The following ABHD12 variants were observed in gnomAD, a reference collection of about 807,000 sequenced individuals.
ABHD12 encodes the protein lysophosphatidylserine lipase ABHD12.
In ABHD12, 43 loss-of-function variants were observed where a neutral mutation model predicts 58.3. The observed-to-expected ratio is 0.74, with a 90% confidence interval of 0.58 to 0.95. ABHD12 has a LOEUF of 0.95. Ranked by LOEUF, ABHD12 falls within the 40% of genes least tolerant of loss-of-function variation. The pLI, the probability that ABHD12 is intolerant of heterozygous loss-of-function variation, is 0.00. For synonymous variants in ABHD12, 219 were observed against 211.2 expected, an observed-to-expected ratio of 1.04 and a Z score of -0.32; for missense variants, 539 against 537.2, an observed-to-expected ratio of 1.00 and a Z score of -0.03.
chr20:25,327,018 G>GT (rs1383438163), intron 2 of ABHD12, among the ~76,000 whole-genome samples: 1 of 152,232 alleles, frequency 6.6e-6, no homozygotes, highest in Non-Finnish European at 1.5e-5. Flanking sequence ...CCATGCCTGT[G>GT]TGAGTATGCC....
chr20:25,303,691 G>A, intron 10 of ABHD12, 63 bp from the exon 11 acceptor site: 1 of 1,605,902 alleles, frequency 6.2e-7, no homozygotes, highest in Non-Finnish European at 8.5e-7. Flanking sequence ...CAGACCCTCT[G>A]TCCATGGCAG....
chr20:25,373,809 G>A (rs545466094), intron 1 of ABHD12, among the ~76,000 whole-genome samples: 137 of 152,198 alleles, frequency 9.0e-4, no homozygotes, highest in Admixed American at 3.2e-3. Flanking sequence ...CACCAAGCTT[G>A]TAAAGTTTCT....
intron 2 of ABHD12, among the ~76,000 whole-genome samples, chr20:25,334,821 C>T (rs1275013753): frequency 6.7e-6 from 1 of 148,300 alleles, no homozygotes; most frequent in Non-Finnish European, 1.5e-5. Context: ...GGATTAAAGA[C>T]TTAAACGTTA....
intron 12 of ABHD12, 146 bp from the exon 13 acceptor site, chr20:25,301,030 G>T: frequency 1.2e-6 from 1 of 833,252 alleles, no homozygotes; most frequent in Non-Finnish European, 2.0e-6. Context: ...GTAGCCCAGA[G>T]CAGCACTCAG....
chr20:25,329,085 G>A (rs1036344907), intron 2 of ABHD12, among the ~76,000 whole-genome samples: 4 of 152,234 alleles, frequency 2.6e-5, no homozygotes, highest in Non-Finnish European at 5.9e-5. Context: ...CGAGTGCCAG[G>A]ACCCTCTGGC....
In ABHD12 at chr20:25,339,177, A is replaced by G. The variant is rs766041552; in HGVS notation, c.316+50T>C. On this transcript the variant is annotated intron_variant, in intron 2 of 12. Coordinates refer to ENST00000339157, the MANE Select transcript of ABHD12 (RefSeq NM_001042472.3). ...ACCCCTAAAATCAGACATCACCATG[A>G]AAATGAACCCTTACTAAAATTAAAG... 2.4e-5 allele frequency: 39 copies of G among 1,611,074 alleles called. No individual in the cohort carries two copies. The East Asian group carries it at 8.5e-4, about 35-fold the overall frequency.
chr20:25,388,426 AT>A (rs1470643081), intron 1 of ABHD12, among the ~76,000 whole-genome samples: 1 of 152,172 alleles, frequency 6.6e-6, no homozygotes, highest in Non-Finnish European at 1.5e-5. Flanking sequence ...ACGAGCAAAA[AT>A]TACAATCTCG....
Position 25,317,066 on chromosome 20 carries a change from G to A in ABHD12, c.555C>T (p.His185=). Residue 185 remains histidine (H), a synonymous_variant, in exon 5 of 13, where the codon CAC becomes CAT. Transcript: ENST00000339157. ...HGNAGTRGGD[H]RVELYKVLSS... is the part of the protein sequence containing the mutation. ...CACTCACCTTGTAAAGCTCCACGCG[G>A]TGGTCGCCTCCTCTGGAGAAGAAAA... 1.2e-6 allele frequency: 2 copies of A among 1,612,692 alleles called. No homozygotes were observed. The highest frequency in any genetic ancestry group is 2.2e-5 in the East Asian group (1 of 44,862).
At chr20:25,316,134 C>T (rs1210942681) in intron 5 of ABHD12, among the ~76,000 whole-genome samples, 1 of 151,424 alleles carries the variant, frequency 6.6e-6, no homozygotes, top group Non-Finnish European at 1.5e-5. Context: ...GTCAGTGTAG[C>T]ACCTGGAGCA....
intron 1 of ABHD12, among the ~76,000 whole-genome samples, chr20:25,340,252 C>T (rs1177955990): frequency 4.6e-5 from 7 of 152,124 alleles, no homozygotes; most frequent in Admixed American, 3.9e-4. Flanking sequence ...TTACATGTTG[C>T]TATAAACAAT....
intron 1 of ABHD12, among the ~76,000 whole-genome samples, chr20:25,368,042 T>C (rs990166451): frequency 6.6e-6 from 1 of 152,262 alleles, no homozygotes; most frequent in East Asian, 1.9e-4. Context: ...CAATTTCTCA[T>C]ATCATTGCCA....
chr20:25,344,500 G>A (rs1393782427), intron 1 of ABHD12, among the ~76,000 whole-genome samples: 1 of 152,140 alleles, frequency 6.6e-6, no homozygotes, highest in East Asian at 1.9e-4. Context: ...TGAGGAAAAC[G>A]ATAAACTCTG....
chr20:25,297,932 C>T (rs908144953), downstream of ABHD12: 1 of 152,348 alleles, frequency 6.6e-6, no homozygotes, highest in Non-Finnish European at 1.5e-5. Flanking sequence ...GGGGCCACCA[C>T]CCTGACCACC....
chr20:25,317,199 G>C, intron 4 of ABHD12, 121 bp from the exon 5 acceptor site: 1 of 716,666 alleles, frequency 1.4e-6, no homozygotes, highest in South Asian at 1.5e-5. Context: ...CCTCTTCCTT[G>C]GGTCCCCCTA....
intron 3 of ABHD12, among the ~76,000 whole-genome samples, chr20:25,320,644 C>G (rs951176077): frequency 6.6e-6 from 1 of 152,202 alleles, no homozygotes; most frequent in African/African-American, 2.4e-5. Flanking sequence ...AGCACTTAGT[C>G]CATCTTGAGT....
At chr20:25,345,065 T>C (rs1361697947) in intron 1 of ABHD12, among the ~76,000 whole-genome samples, 1 of 151,134 alleles carries the variant, frequency 6.6e-6, no homozygotes, top group African/African-American at 2.4e-5. Context: ...AAAATTTAGG[T>C]GAACTTGGGT....
At chr20:25,332,540 G>A (rs887005368) in intron 2 of ABHD12, among the ~76,000 whole-genome samples, 113 of 151,668 alleles carry the variant, frequency 7.5e-4, no homozygotes, top group Middle Eastern at 3.4e-3. Flanking sequence ...TTCCAAAATT[G>A]ACCACATCCT....
In ABHD12 at chr20:25,334,396, T is replaced by C. The variant is rs978432197; in HGVS notation, c.316+4831A>G. Reference sequence around the variant, plus strand: ...CATACTGCCCAAGGTAATTTACAGATTCAATGCCATCCCCATCAAGCTACC... The same window carrying C: ...CATACTGCCCAAGGTAATTTACAGACTCAATGCCATCCCCATCAAGCTACC... On this transcript the variant is annotated intron_variant, in intron 2 of 12. Transcript: ENST00000339157. 4.7e-5 allele frequency among the ~76,000 whole-genome samples: 7 copies of C among 150,202 alleles called. No individual in the cohort carries two copies. The East Asian group carries it at 7.8e-4, about 17-fold the overall frequency.
chr20:25,346,301 T>C (rs994650616), intron 1 of ABHD12, among the ~76,000 whole-genome samples: 6 of 152,168 alleles, frequency 3.9e-5, no homozygotes, highest in African/African-American at 1.4e-4. Flanking sequence ...AAAAGATTAG[T>C]GGTCATCCAG....
Sources: gnomAD v4.1 joint callset for allele counts (sites outside exome capture counted in the v4.1 genomes callset) on GRCh38, gnomAD v4.1.1 for gene constraint, MANE v1.5 for transcripts, NCBI Gene and HGNC (gene_info 2026-07-23, HGNC 2026-07-21) for gene names.